Variants in LGALS9C observed in about 807,000 individuals in gnomAD.
LGALS9C encodes galectin-9C.
A neutral mutation model predicts 41.3 loss-of-function variants in LGALS9C; 7 were observed. That is an observed-to-expected ratio of 0.17 (90% confidence interval 0.10 to 0.32). LGALS9C has a LOEUF of 0.32. Among genes scored for constraint, LGALS9C ranks in the 10% least tolerant of loss-of-function variants. The pLI is 1.00. For missense variants in LGALS9C, 102 were observed against 455.2 expected (o/e 0.22, Z 7.06); for synonymous variants, 44 against 171.0 (o/e 0.26, Z 5.80).
At chr17:18,477,275 G>C (rs924827920) in intron 1 of LGALS9C, among the ~76,000 whole-genome samples, 9 of 125,120 alleles carry the variant, frequency 7.2e-5, no homozygotes, top group Non-Finnish European at 1.6e-4. Context: ...GCCTCCCTGG[G>C]TCCAGCTATT....
chr17:18,492,912 G>T lies in LGALS9C; in HGVS notation c.924+53G>T, dbSNP rs1273715062. The T allele has an allele frequency of 7.1e-6, 10 of 1,412,036 alleles. 2 individuals are homozygous for T. Among genetic ancestry groups the T allele is most frequent in the African/African-American group, 1.4e-5 (1 of 73,298 alleles). 87.5% of individuals were successfully genotyped at this position (1,412,036 alleles called of 1,614,324 possible). A position where few individuals can be genotyped will look rare whatever the true frequency, so the allele number is the denominator to read the frequency against. On this transcript the variant is annotated intron_variant, in intron 10 of 10. Coordinates refer to ENST00000328114, the MANE Select transcript of LGALS9C (RefSeq NM_001040078.3). Reference sequence around the variant, plus strand: ...GAGGCTCCTATGGGTACACGGGGAGGGGGTAAAGGAGGTCTGGGGTACCTT... The same window carrying T: ...GAGGCTCCTATGGGTACACGGGGAGTGGGTAAAGGAGGTCTGGGGTACCTT...
intron 8 of LGALS9C, 51 bp from the exon 9 acceptor site, chr17:18,492,406 T>G (rs1177982285): frequency 6.6e-7 from 1 of 1,508,428 alleles, no homozygotes; most frequent in Non-Finnish European, 9.1e-7. Flanking sequence ...CCCTTCCATG[T>G]GGCGGCTGCC....
At chr17:18,478,609 C>A (rs1395416476) in intron 1 of LGALS9C, among the ~76,000 whole-genome samples, 1 of 122,398 alleles carries the variant, frequency 8.2e-6, no homozygotes, top group East Asian at 2.0e-4. Context: ...CTTGTCTGGC[C>A]TCATCTAGCC....
Position 18,480,224 on chromosome 17 carries a change from A to AC in LGALS9C, c.39+3331_39+3332insC, listed in dbSNP as rs1989342743. ...ATCCTGTCTCAAAAAAAAAAAAAAA[A>AC]AACACAACAAACAAACAAACAAAAC... On this transcript the variant is annotated intron_variant, in intron 1 of 10. Coordinates refer to ENST00000328114, the MANE Select transcript of LGALS9C (RefSeq NM_001040078.3). 1.6e-5 allele frequency among the ~76,000 whole-genome samples: 2 copies of AC among 125,684 alleles called. 1 individual carries two copies. Among genetic ancestry groups the AC allele is most frequent in the Non-Finnish European group, 3.8e-5 (2 of 52,040 alleles). The allele number at this position is 125,684 out of a possible 152,430, so 82.5% of individuals were successfully genotyped here.
intron 1 of LGALS9C, among the ~76,000 whole-genome samples, chr17:18,480,226 A>AC (rs1338561394): frequency 8.1e-6 from 1 of 124,160 alleles, no homozygotes. Context: ...AAAAAAAAAA[A>AC]CACAACAAAC....
intron 1 of LGALS9C, among the ~76,000 whole-genome samples, chr17:18,478,704 TC>T (rs1403084559): frequency 1.6e-5 from 1 of 62,490 alleles, no homozygotes; most frequent in Non-Finnish European, 4.1e-5. Flanking sequence ...ATAAGGACGT[TC>T]CGAGCTTCCT....
At position 18,476,839 on chromosome 17, in the gene LGALS9C, C is replaced by G; in HGVS notation, c.-16C>G. The G allele has an allele frequency of 6.3e-7, 1 of 1,585,682 alleles. No homozygotes were observed. Among genetic ancestry groups the G allele is most frequent in the Non-Finnish European group, 8.6e-7 (1 of 1,157,108 alleles). On this transcript the variant is annotated 5_prime_UTR_variant, in exon 1 of 11. Transcript: ENST00000328114. The stretch of plus-strand genomic sequence containing the variant: ...CAGGTGTCAAAGGCAGTGGTGGCCA[C>G]AGAGGCGGTGGAGAGATGGCCTTCA...
At chr17:18,483,992 T>C in intron 2 of LGALS9C, 26 bp downstream of exon 2, 2 of 1,361,450 alleles carry the variant, frequency 1.5e-6, no homozygotes, top group East Asian at 4.5e-5. Flanking sequence ...TGGAAACGTT[T>C]CACTCCAGCC....
chr17:18,493,425 C>A (rs1170086105), intron 10 of LGALS9C, among the ~76,000 whole-genome samples: 1 of 119,228 alleles, frequency 8.4e-6, no homozygotes, highest in African/African-American at 3.0e-5. Context: ...TGGGTGTGGC[C>A]TCTCCAGGAA....
chr17:18,477,866 A>G lies in LGALS9C; in HGVS notation c.39+973A>G, dbSNP rs1440585886. On this transcript the variant is annotated intron_variant, in intron 1 of 10. Coordinates refer to ENST00000328114, the MANE Select transcript of LGALS9C (RefSeq NM_001040078.3). Reference sequence around the variant, plus strand: ...GGCCCTTCCTGAGTGGGGAGGCAGAATGGGGAGGGTGGGCAGAGGCAGGGT... The same window carrying G: ...GGCCCTTCCTGAGTGGGGAGGCAGAGTGGGGAGGGTGGGCAGAGGCAGGGT... 8.9e-5 allele frequency among the ~76,000 whole-genome samples: 11 copies of G among 123,818 alleles called. 4 individuals carry two copies. Among genetic ancestry groups the G allele is most frequent in the Non-Finnish European group, 1.7e-4 (9 of 52,032 alleles). The allele number at this position is 123,818 out of a possible 152,430, so 81.2% of individuals were successfully genotyped here.
chr17:18,482,507 CAAAAAAAAAA>C (rs1166687895), intron 1 of LGALS9C, among the ~76,000 whole-genome samples: 1 of 95,218 alleles, frequency 1.1e-5, no homozygotes, highest in African/African-American at 3.1e-5. Context: ...GAAAGTTTTA[CAAAAAAAAAA>C]AAAAAAAATT....
Position 18,476,876 on chromosome 17 carries a change from G to A in LGALS9C, c.22G>A (p.Ala8Thr), listed in dbSNP as rs138868486. 8.6e-5 allele frequency: 138 copies of A among 1,601,820 alleles called. No individual in the cohort carries two copies. The African/African-American group carries it at 1.5e-3, about 18-fold the overall frequency. The change falls in exon 1 of 11, where the codon GCT becomes ACT. Residue 8 changes from alanine to threonine, a missense_variant. Transcript: ENST00000328114. The stretch of plus-strand genomic sequence containing the variant: ...AGAGATGGCCTTCAGCGGTTGCCAG[G>A]CTCCCTATCTGAGCCCAGTGAGTTC... MAFSGCQ[A>T]PYLSPAVPFS... is the part of the protein sequence containing the mutation.
At position 18,476,854 on chromosome 17, in the gene LGALS9C, G is replaced by C; in HGVS notation, c.-1G>C. 6.3e-7 allele frequency: 1 copy of C among 1,591,800 alleles called. No homozygotes were observed. The highest frequency in any genetic ancestry group is 8.6e-7 in the Non-Finnish European group (1 of 1,163,032). ...GTGGTGGCCACAGAGGCGGTGGAGAGATGGCCTTCAGCGGTTGCCAGGCTC... is the reference window on the plus strand; with the variant it reads ...GTGGTGGCCACAGAGGCGGTGGAGACATGGCCTTCAGCGGTTGCCAGGCTC... On this transcript the variant is annotated 5_prime_UTR_variant, in exon 1 of 11. Transcript: ENST00000328114.
chr17:18,492,272 A>C, intron 8 of LGALS9C, 185 bp from the exon 9 acceptor site: 1 of 734,206 alleles, frequency 1.4e-6, no homozygotes, highest in South Asian at 1.9e-5. Flanking sequence ...CATGACACTA[A>C]TCTAAGCCCA....
At position 18,483,140 on chromosome 17, in the gene LGALS9C, T is replaced by C. The variant is rs184217527; in HGVS notation, c.40-735T>C. Among the ~76,000 whole-genome samples, 5 of 123,946 alleles carry C rather than the reference T, an allele frequency of 4.0e-5. 1 individual carries two copies. Among genetic ancestry groups the C allele is most frequent in the Admixed American group, 3.9e-4 (5 of 12,804 alleles). The allele number at this position is 123,946 out of a possible 152,430, so 81.3% of individuals were successfully genotyped here. A position where few individuals can be genotyped will look rare whatever the true frequency, so the allele number is the denominator to read the frequency against. On this transcript the variant is annotated intron_variant, in intron 1 of 10. Coordinates refer to ENST00000328114, the MANE Select transcript of LGALS9C (RefSeq NM_001040078.3). ...GTCGGCCTGACTCCAAAACGATGCA[T>C]GCCTCACCATGGCCCATAGCTCCTT... is the stretch of plus-strand genomic sequence containing the variant.
chr17:18,494,917 AGAAATGAAAATGCTTGTTG>A lies in LGALS9C; in HGVS notation c.*552_*570del, dbSNP rs1336842984. 7.4e-6 allele frequency: 1 copy of A among 134,442 alleles called. No individual in the cohort carries two copies. Among genetic ancestry groups the A allele is most frequent in the Non-Finnish European group, 1.8e-5 (1 of 55,796 alleles). The allele number at this position is 134,442 out of a possible 1,614,324, so 8.3% of individuals were successfully genotyped here. On this transcript the variant is annotated 3_prime_UTR_variant, in exon 11 of 11. Coordinates refer to ENST00000328114, the MANE Select transcript of LGALS9C (RefSeq NM_001040078.3). ...TCCTTTCCCAGTGTCCTTAAAATAAAGAAATGAAAATGCTTGTTGGCACATTCATGTGGGTTGACTGTGG... is the reference window on the plus strand; with the variant it reads ...TCCTTTCCCAGTGTCCTTAAAATAAAGCACATTCATGTGGGTTGACTGTGG...
rs377746988 is a variant in LGALS9C at position 18,487,771 on chromosome 17, C to T, written c.444+14C>T. ...ATCAGCTTCCAGGTCAGACTGTCCA[C>T]CTGGCACCGGTCCCAGGGGCTGGGA... On this transcript the variant is annotated intron_variant, in intron 4 of 10. Transcript: ENST00000328114. 8.2e-4 allele frequency: 1,298 copies of T among 1,575,866 alleles called. 17 individuals carry two copies. The African/African-American group carries it at 0.013, about 15-fold the overall frequency.
intron 4 of LGALS9C, among the ~76,000 whole-genome samples, 173 bp from the exon 5 acceptor site, chr17:18,488,768 C>T (rs1295700927): frequency 7.4e-6 from 1 of 135,168 alleles, no homozygotes; most frequent in Non-Finnish European, 1.7e-5. Context: ...TGTCCCCCTG[C>T]GCTGCTCACC....
Position 18,487,656 on chromosome 17 carries a change from A to C in LGALS9C, c.343A>C (p.Asn115His). Residue 115 changes from asparagine (N) to histidine (H), a missense_variant, in exon 4 of 11, where the codon AAC becomes CAC. Physicochemically the swap from Asn to His is moderately conservative, Grantham distance 68 (BLOSUM62 1). Transcript: ENST00000328114. ...TGCTCTCCTCTGGCAGGTGATGGTG[A>C]ACGGGAGCCTCTTCGTGCAGTACTT... ...VQSSDFKVMV[N>H]GSLFVQYFHR... 1 of 1,487,140 alleles carries C rather than the reference A, an allele frequency of 6.7e-7. No homozygotes were observed. Among genetic ancestry groups the C allele is most frequent in the Non-Finnish European group, 9.2e-7 (1 of 1,090,622 alleles). The allele number at this position is 1,487,140 out of a possible 1,614,324, so 92.1% of individuals were successfully genotyped here. A position where few individuals can be genotyped will look rare whatever the true frequency, so the allele number is the denominator to read the frequency against.
Sources: allele counts gnomAD v4.1 joint callset (sites outside exome capture counted in the v4.1 genomes callset), GRCh38; gene constraint gnomAD v4.1.1; transcripts MANE v1.5; gene names NCBI Gene and HGNC (gene_info 2026-07-23, HGNC 2026-07-21).